Variants in SLC35F4 observed in about 807,000 individuals in gnomAD.
SLC35F4 encodes chromosome 14 open reading frame 36.
Under a neutral mutation model 44.2 loss-of-function variants are expected in SLC35F4, and 24 were observed. The observed-to-expected ratio is 0.54, with a 90% confidence interval of 0.39 to 0.76. The LOEUF (loss-of-function observed/expected upper bound fraction) is 0.76. Ranked by LOEUF, SLC35F4 falls within the 30% of genes least tolerant of loss-of-function variation. The probability of loss-of-function intolerance (pLI) is 0.00; values close to 1 mark genes in which losing one functional copy is unlikely to be tolerated. For synonymous variants in SLC35F4, 238 were observed against 223.6 expected (o/e 1.06, Z -0.57); for missense variants, 562 against 586.1 (o/e 0.96, Z 0.42).
chr14:57,791,768 A>T (rs1018049762), intron 1 of SLC35F4, among the ~76,000 whole-genome samples: 1 of 152,200 alleles, frequency 6.6e-6, no homozygotes, highest in African/African-American at 2.4e-5. Context: ...TATACACCGT[A>T]GAATACTATG....
chr14:57,947,257 T>C (rs949274435), intron 1 of SLC35F4, among the ~76,000 whole-genome samples: 5 of 151,682 alleles, frequency 3.3e-5, no homozygotes, highest in African/African-American at 1.2e-4. Context: ...TTTTGTTTTT[T>C]TTTTTTTGGT....
At chr14:57,787,241 A>G (rs1214932161) in intron 1 of SLC35F4, among the ~76,000 whole-genome samples, 1 of 152,178 alleles carries the variant, frequency 6.6e-6, no homozygotes, top group African/African-American at 2.4e-5. Context: ...ACATGAACAA[A>G]GCCTCTAAGT....
intron 1 of SLC35F4, among the ~76,000 whole-genome samples, chr14:57,958,513 G>T (rs181314792): frequency 2.7e-5 from 4 of 149,774 alleles, no homozygotes; most frequent in Admixed American, 2.0e-4. Flanking sequence ...GGGAATGGGG[G>T]TGTGGCTGCT....
intron 3 of SLC35F4, among the ~76,000 whole-genome samples, chr14:57,588,498 G>A (rs1370533613): frequency 2.0e-5 from 3 of 152,098 alleles, no homozygotes; most frequent in Admixed American, 6.5e-5. Context: ...TGCCATGCAG[G>A]GCTGTGTGAC....
Position 57,621,585 on chromosome 14 carries a change from A to T in SLC35F4, c.104-27461T>A, listed in dbSNP as rs541730275. On this transcript the variant is annotated intron_variant, in intron 1 of 7. Transcript: ENST00000556826. Reference sequence around the variant, plus strand: ...AATGGGAAAGGATTCCGTATTTAATAAATGGTGCTGGGAAAACTGGCTAGC... The same window carrying T: ...AATGGGAAAGGATTCCGTATTTAATTAATGGTGCTGGGAAAACTGGCTAGC... Among the ~76,000 whole-genome samples the T allele has an allele frequency of 7.0e-4, 106 of 152,386 alleles. 3 individuals carry two copies. In the South Asian group the frequency reaches 0.021, roughly 31 times the overall value.
intron 1 of SLC35F4, among the ~76,000 whole-genome samples, chr14:57,745,295 C>A (rs2140530992): frequency 6.6e-6 from 1 of 152,266 alleles, no homozygotes; most frequent in South Asian, 2.1e-4. Flanking sequence ...AGTGAACAGG[C>A]AACCTACAGA....
chr14:57,770,332 G>A (rs1158195919), intron 1 of SLC35F4, among the ~76,000 whole-genome samples: 1 of 152,246 alleles, frequency 6.6e-6, no homozygotes, highest in African/African-American at 2.4e-5. Flanking sequence ...GTAATTGGTA[G>A]TATGCCAGCT....
chr14:57,668,424 G>C (rs925339415), intron 1 of SLC35F4, among the ~76,000 whole-genome samples: 3 of 151,940 alleles, frequency 2.0e-5, no homozygotes, highest in Non-Finnish European at 4.4e-5. Context: ...GTCCTGAATG[G>C]TATTGCCTGG....
At chr14:57,891,350 G>A (rs1050567702) in intron 1 of SLC35F4, among the ~76,000 whole-genome samples, 2 of 152,072 alleles carry the variant, frequency 1.3e-5, no homozygotes, top group Non-Finnish European at 2.9e-5. Context: ...CCCTCATGGA[G>A]TTTACTTTAT....
intron 1 of SLC35F4, among the ~76,000 whole-genome samples, chr14:57,712,601 C>G (rs1190247345): frequency 6.6e-6 from 1 of 152,208 alleles, no homozygotes; most frequent in Non-Finnish European, 1.5e-5. Context: ...TTCACTCCTT[C>G]TAACCCTGGG....
chr14:57,652,414 G>A (rs2073815065), intron 1 of SLC35F4, among the ~76,000 whole-genome samples: 2 of 152,098 alleles, frequency 1.3e-5, no homozygotes, highest in African/African-American at 4.8e-5. Flanking sequence ...TGTCCCAGGA[G>A]GAATTAAAAA....
chr14:57,648,823 TA>T (rs1357653509), intron 1 of SLC35F4, among the ~76,000 whole-genome samples: 1 of 152,200 alleles, frequency 6.6e-6, no homozygotes, highest in Non-Finnish European at 1.5e-5. Flanking sequence ...TCAGATAAAA[TA>T]CAGGTAATAT....
chr14:57,812,061 A>G (rs1444353620), intron 1 of SLC35F4, among the ~76,000 whole-genome samples: 1 of 152,128 alleles, frequency 6.6e-6, no homozygotes, highest in Non-Finnish European at 1.5e-5. Context: ...TTAGAAGAAA[A>G]ATGTCTTGCT....
downstream of SLC35F4, among the ~76,000 whole-genome samples, chr14:57,974,712 G>A (rs779765851): frequency 6.6e-6 from 1 of 152,116 alleles, no homozygotes; most frequent in Non-Finnish European, 1.5e-5. Flanking sequence ...ATACCTTTAA[G>A]AAGTGTTGAA....
chr14:57,629,821 TG>T, intron 1 of SLC35F4: 5 of 334,078 alleles, frequency 1.5e-5, no homozygotes, highest in East Asian at 7.6e-5. Flanking sequence ...AGACGAGAAG[TG>T]GGAGTGGAGG....
intron 1 of SLC35F4, among the ~76,000 whole-genome samples, chr14:57,735,705 C>T (rs955671989): frequency 6.7e-6 from 1 of 150,368 alleles, no homozygotes; most frequent in African/African-American, 2.5e-5. Flanking sequence ...GTCAAAACTC[C>T]AACATAGCCA....
rs1594621267 is a variant in SLC35F4, at chr14:57,914,101, A to G, written n.282+67812T>C. Among the ~76,000 whole-genome samples the G allele has an allele frequency of 2.6e-5, 4 of 152,314 alleles. No homozygotes were observed. The South Asian group carries it at 8.3e-4, about 32-fold the overall frequency. ...TCTTAGTCTGTTTTATGCTGCTATG[A>G]GAGAATACCACCAGTGGGTAACTTA... On this transcript the variant is annotated intron_variant and non_coding_transcript_variant, in intron 1 of 1. Coordinates refer to the SLC35F4 transcript ENST00000556568.
At chr14:57,845,723 T>A (rs1885959549) in intron 1 of SLC35F4, among the ~76,000 whole-genome samples, 1 of 152,334 alleles carries the variant, frequency 6.6e-6, no homozygotes, top group South Asian at 2.1e-4. Flanking sequence ...GCATGATCTT[T>A]ACATCAAGTG....
chr14:57,729,307 A>T (rs2140465877), intron 1 of SLC35F4, among the ~76,000 whole-genome samples: 2 of 152,222 alleles, frequency 1.3e-5, no homozygotes, highest in African/African-American at 4.8e-5. Context: ...AAACAGAAGG[A>T]AAGAGTCTTT....
Sources: allele counts gnomAD v4.1 joint callset (sites outside exome capture counted in the v4.1 genomes callset), GRCh38; gene constraint gnomAD v4.1.1; transcripts MANE v1.5; gene names NCBI Gene and HGNC (gene_info 2026-07-23, HGNC 2026-07-21).